Variants in SLC15A1 observed in about 807,000 individuals in gnomAD.
SLC15A1 encodes Caco-2 oligopeptide transporter.
In SLC15A1, 83 loss-of-function variants were observed where a neutral mutation model predicts 92.9. The observed-to-expected ratio is 0.89, with a 90% CI of 0.75 to 1.07. The LOEUF is 1.07. Among genes scored for constraint, SLC15A1 ranks in the 50% least tolerant of loss-of-function variants. The pLI, the probability that SLC15A1 is intolerant of heterozygous loss-of-function variation, is 0.00. For synonymous variants in SLC15A1, 322 were observed against 318.2 expected (o/e 1.01, Z -0.13); for missense variants, 857 against 880.1 (o/e 0.97, Z 0.33).
At chr13:98,743,486 C>T (rs1407249617) in intron 1 of SLC15A1, among the ~76,000 whole-genome samples, 1 of 152,194 alleles carries the variant, frequency 6.6e-6, no homozygotes, top group Non-Finnish European at 1.5e-5. Flanking sequence ...GACCCAGGAT[C>T]CAGCCACCTT....
At chr13:98,718,362 C>T (rs2088228361) in intron 8 of SLC15A1, among the ~76,000 whole-genome samples, 1 of 119,460 alleles carries the variant, frequency 8.4e-6, no homozygotes, top group Non-Finnish European at 1.6e-5. Context: ...CTCTATCATC[C>T]AGGTTGCAGT....
chr13:98,691,137 A>G lies in SLC15A1; in HGVS notation c.1467-2560T>C, dbSNP rs142092169. On this transcript the variant is annotated intron_variant, in intron 18 of 22. Coordinates refer to ENST00000376503, the MANE Select transcript of SLC15A1 (RefSeq NM_005073.4). ...CGGCTCACTGCAACCTCCGCCTCCC[A>G]GGTTCAAGTGATTCTCCTGCCTCAG... Among the ~76,000 whole-genome samples the G allele has an allele frequency of 8.8e-3, 1,340 of 151,892 alleles. 30 individuals carry two copies. The highest frequency in any genetic ancestry group is 0.031 in the African/African-American group (1,281 of 41,424).
intron 18 of SLC15A1, among the ~76,000 whole-genome samples, chr13:98,690,791 G>T (rs542797329): frequency 2.6e-5 from 4 of 152,130 alleles, no homozygotes; most frequent in Non-Finnish European, 5.9e-5. Flanking sequence ...CCTGTGCAAC[G>T]TTGGCTGCAC....
chr13:98,713,962 A>C (rs1206514990), intron 9 of SLC15A1, among the ~76,000 whole-genome samples: 1 of 151,460 alleles, frequency 6.6e-6, no homozygotes, highest in Non-Finnish European at 1.5e-5. Context: ...CTGAGGCAGG[A>C]GAATTGCTTG....
chr13:98,713,790 T>C (rs1301021244), intron 9 of SLC15A1, among the ~76,000 whole-genome samples: 1 of 152,162 alleles, frequency 6.6e-6, no homozygotes, highest in Non-Finnish European at 1.5e-5. Flanking sequence ...CTCACACCTG[T>C]AATCCCAGCA....
intron 21 of SLC15A1, 66 bp from the exon 22 acceptor site, chr13:98,686,363 A>C: frequency 4.2e-5 from 46 of 1,093,198 alleles, no homozygotes; most frequent in Non-Finnish European, 6.1e-5. Context: ...AACACAGCTC[A>C]CCGATGGGCG....
chr13:98,744,210 C>A (rs2088473254), intron 1 of SLC15A1, among the ~76,000 whole-genome samples: 1 of 132,598 alleles, frequency 7.5e-6, no homozygotes, highest in Admixed American at 8.3e-5. Context: ...CACTGCACTC[C>A]AGCCTAGGTG....
chr13:98,724,978 T>C (rs2088287420), intron 4 of SLC15A1, among the ~76,000 whole-genome samples: 1 of 152,160 alleles, frequency 6.6e-6, no homozygotes, highest in South Asian at 2.1e-4. Flanking sequence ...GTGGGAGGTG[T>C]GTGGGACACT....
At chr13:98,702,338 G>C in intron 18 of SLC15A1, 142 bp downstream of exon 18, 1 of 672,904 alleles carries the variant, frequency 1.5e-6, no homozygotes, top group Non-Finnish European at 2.7e-6. Flanking sequence ...GATTTTTTTG[G>C]GGAATATTCA....
chr13:98,703,338 G>A (rs2088084976), intron 17 of SLC15A1, among the ~76,000 whole-genome samples: 1 of 152,010 alleles, frequency 6.6e-6, no homozygotes, highest in African/African-American at 2.4e-5. Context: ...TTGATCATTG[G>A]TTGCCGGTGC....
intron 1 of SLC15A1, among the ~76,000 whole-genome samples, chr13:98,748,040 T>A (rs114290928): frequency 0.018 from 2,798 of 152,204 alleles, 94 homozygotes; most frequent in African/African-American, 0.064. Flanking sequence ...AGACAAACAC[T>A]CCTAGTTGCT....
At chr13:98,716,049 T>A in intron 8 of SLC15A1, 89 bp from the exon 9 acceptor site, 1 of 1,116,588 alleles carries the variant, frequency 9.0e-7, no homozygotes, top group Non-Finnish European at 1.4e-6. Context: ...GAATTATAAC[T>A]TTGTTTTGGG....
intron 1 of SLC15A1, among the ~76,000 whole-genome samples, chr13:98,737,191 T>C (rs140135459): frequency 6.6e-6 from 1 of 152,176 alleles, no homozygotes; most frequent in Non-Finnish European, 1.5e-5. Context: ...ATGTTCTTTG[T>C]AGGGACATGG....
intron 8 of SLC15A1, among the ~76,000 whole-genome samples, chr13:98,716,348 G>A (rs527550226): frequency 2.6e-5 from 4 of 152,250 alleles, no homozygotes; most frequent in Non-Finnish European, 5.9e-5. Context: ...GGGGCCAGGC[G>A]CGGTGGCTCA....
At chr13:98,724,108 C>G in intron 4 of SLC15A1, 77 bp from the exon 5 acceptor site, 1 of 1,571,882 alleles carries the variant, frequency 6.4e-7, no homozygotes, top group Non-Finnish European at 8.7e-7. Flanking sequence ...ACAAAAGACC[C>G]CCTCCTTGAA....
chr13:98,707,818 C>A (rs750522264), intron 15 of SLC15A1, among the ~76,000 whole-genome samples: 31 of 147,834 alleles, frequency 2.1e-4, no homozygotes, highest in Non-Finnish European at 4.0e-4. Context: ...TCGCTTGAGC[C>A]CAGGTGTGGC....
At chr13:98,729,832 C>T (rs772412843) in intron 1 of SLC15A1, among the ~76,000 whole-genome samples, 1 of 152,236 alleles carries the variant, frequency 6.6e-6, no homozygotes, top group Non-Finnish European at 1.5e-5. Flanking sequence ...GCCTTCCCTC[C>T]TGATCTGTCA....
chr13:98,724,369 T>C (rs2088282623), intron 4 of SLC15A1, among the ~76,000 whole-genome samples: 1 of 152,134 alleles, frequency 6.6e-6, no homozygotes, highest in African/African-American at 2.4e-5. Context: ...TCAGGTGTGG[T>C]GGTGCATGCC....
Position 98,688,476 on chromosome 13 carries a change from G to A in SLC15A1, c.1568C>T (p.Ser523Phe). 1.9e-6 allele frequency: 3 copies of A among 1,613,752 alleles called. No homozygotes were observed. Among genetic ancestry groups the A allele is most frequent in the Non-Finnish European group, 2.5e-6 (3 of 1,179,730 alleles). Residue 523 changes from serine (S) to phenylalanine (F), a missense_variant, in exon 19 of 23, where the codon TCT (serine) becomes TTT (phenylalanine). Physicochemically the swap from Ser to Phe is radical, Grantham distance 155. Transcript: ENST00000376503. Reference protein sequence around the residue: ...YNASTYQFFPSGIKGFTISST... With the variant: ...YNASTYQFFPFGIKGFTISST... ...ATTCAGTCTCGGTACTTACATGCCA[G>A]AAGGAAAAAACTGGTATGTGCTGGC...
Sources: gnomAD v4.1 joint callset for allele counts (sites outside exome capture counted in the v4.1 genomes callset) on GRCh38, gnomAD v4.1.1 for gene constraint, MANE v1.5 for transcripts, NCBI Gene and HGNC (gene_info 2026-07-23, HGNC 2026-07-21) for gene names.